The following MECOM variants were observed in gnomAD, a reference collection of about 807,000 sequenced individuals.
The protein encoded by MECOM is MDS1 and EVI1 complex locus, also known as histone-lysine N-methyltransferase MECOM.
MECOM carries 13 observed loss-of-function variants against 116.3 expected under a neutral mutation model. The observed-to-expected ratio is 0.11, with a 90% CI of 0.07 to 0.18. The LOEUF is 0.18. Ranked by LOEUF, MECOM falls within the 10% of genes least tolerant of loss-of-function variation. MECOM has a pLI of 1.00. For missense variants in MECOM, 1,299 were observed against 1,509.0 expected, an observed-to-expected ratio of 0.86 and a Z score of 2.31; for synonymous variants, 528 against 535.2, an observed-to-expected ratio of 0.99 and a Z score of 0.19.
Position 169,472,582 on chromosome 3 carries a change from G to A in MECOM, c.38-91058C>T, listed in dbSNP as rs1252164285. ...AGAGAGGAGAGGAGAGGAGAGGAGA[G>A]GAAAGGAAAGGAAAGGAAAGGAAAG... is the stretch of plus-strand genomic sequence containing the variant. On this transcript the variant is annotated intron_variant, in intron 1 of 16. Coordinates refer to ENST00000651503, the MANE Select transcript of MECOM (RefSeq NM_004991.4). Among the ~76,000 whole-genome samples, 323 of 47,946 alleles carry A rather than the reference G, an allele frequency of 6.7e-3. 1 individual carries two copies. Among genetic ancestry groups the A allele is most frequent in the Middle Eastern group, 0.028 (2 of 72 alleles). The allele number at this position is 47,946 out of a possible 152,430, so 31.5% of individuals were successfully genotyped here.
chr3:169,464,497 C>G (rs767018861), intron 1 of MECOM, among the ~76,000 whole-genome samples: 1 of 151,470 alleles, frequency 6.6e-6, no homozygotes, highest in Non-Finnish European at 1.5e-5. Flanking sequence ...CACCACGGAC[C>G]CTCATTCATT....
rs1444349696 is a variant in MECOM, at chr3:169,143,846, G to C, written c.376-14C>G. On this transcript the variant is annotated splice_polypyrimidine_tract_variant and intron_variant, in intron 2 of 16. Transcript: ENST00000651503. ...TTCGTCTAAGATCTGGAGGGAAGAAGATGAGAACAATCAATTGCCATATTG... is the reference window on the plus strand; with the variant it reads ...TTCGTCTAAGATCTGGAGGGAAGAACATGAGAACAATCAATTGCCATATTG... The C allele has an allele frequency of 6.3e-7, 1 of 1,585,576 alleles. No individual in the cohort carries two copies. The highest frequency in any genetic ancestry group is 8.6e-7 in the Non-Finnish European group (1 of 1,165,910).
chr3:169,313,412 A>C lies in MECOM; in HGVS notation c.375+67775T>G, dbSNP rs550018194. Among the ~76,000 whole-genome samples the C allele has an allele frequency of 1.2e-4, 19 of 152,360 alleles. 1 individual carries two copies. The South Asian group carries it at 3.7e-3, about 30-fold the overall frequency. The stretch of plus-strand genomic sequence containing the variant: ...GGAAGATAGCACAGTGTGTTCATAC[A>C]CTAATGGAAATATCTAGCGGGAGAG... On this transcript the variant is annotated intron_variant, in intron 2 of 16. Coordinates refer to ENST00000651503, the MANE Select transcript of MECOM (RefSeq NM_004991.4).
At chr3:169,307,639 C>A (rs1373222432) in intron 2 of MECOM, among the ~76,000 whole-genome samples, 1 of 152,124 alleles carries the variant, frequency 6.6e-6, no homozygotes, top group African/African-American at 2.4e-5. Flanking sequence ...GTGTAAATGG[C>A]CTCCTGTTAA....
At chr3:169,140,811 A>ATT (rs201998979) in intron 3 of MECOM, among the ~76,000 whole-genome samples, 1 of 59,788 alleles carries the variant, frequency 1.7e-5, no homozygotes, top group African/African-American at 4.8e-5. Context: ...GGTTGCTTTC[A>ATT]TTTTTATTTT....
chr3:169,142,170 A>C (rs1250400806), intron 3 of MECOM, among the ~76,000 whole-genome samples: 1 of 151,944 alleles, frequency 6.6e-6, no homozygotes. Flanking sequence ...TACACACATA[A>C]ATATTAAATG....
chr3:169,224,120 G>A (rs1211508920), intron 2 of MECOM, among the ~76,000 whole-genome samples: 2 of 152,146 alleles, frequency 1.3e-5, no homozygotes, highest in South Asian at 4.1e-4. Flanking sequence ...ATACTAAGGA[G>A]TATGATGGGG....
At chr3:169,418,697 C>A (rs1739164816) in intron 1 of MECOM, among the ~76,000 whole-genome samples, 1 of 151,946 alleles carries the variant, frequency 6.6e-6, no homozygotes, top group Non-Finnish European at 1.5e-5. Flanking sequence ...AATTCAACAC[C>A]CCTTCACGAT....
rs1560340618 is a variant in MECOM at position 169,485,963 on chromosome 3, A to AGT, written c.38-104440_38-104439insAC. The stretch of plus-strand genomic sequence containing the variant: ...TATGTATGTATATATGTACATATAT[A>AGT]CTATATATACATATATATATAGTAT... On this transcript the variant is annotated intron_variant, in intron 1 of 16. Coordinates refer to ENST00000651503, the MANE Select transcript of MECOM (RefSeq NM_004991.4). Among the ~76,000 whole-genome samples the AGT allele has an allele frequency of 2.0e-3, 146 of 72,376 alleles. 3 individuals carry two copies. The highest frequency in any genetic ancestry group is 5.6e-3 in the Middle Eastern group (1 of 180). 47.5% of individuals were successfully genotyped at this position (72,376 alleles called of 152,430 possible). A position where few individuals can be genotyped will look rare whatever the true frequency, so the allele number is the denominator to read the frequency against.
chr3:169,224,503 A>C (rs1458046263), intron 2 of MECOM, among the ~76,000 whole-genome samples: 1 of 152,338 alleles, frequency 6.6e-6, no homozygotes, highest in South Asian at 2.1e-4. Context: ...TGTCACCCAC[A>C]TATAGAAAAG....
At chr3:169,463,774 C>A (rs1258323915) in intron 1 of MECOM, among the ~76,000 whole-genome samples, 1 of 152,002 alleles carries the variant, frequency 6.6e-6, no homozygotes, top group East Asian at 1.9e-4. Context: ...TGGGAGAGTG[C>A]AATAAGATGG....
intron 14 of MECOM, among the ~76,000 whole-genome samples, chr3:169,090,710 G>C (rs1719436578): frequency 6.6e-6 from 1 of 151,704 alleles, no homozygotes; most frequent in Non-Finnish European, 1.5e-5. Flanking sequence ...TGTTAAAGTA[G>C]TTACCAAGAA....
chr3:169,108,104 T>A, intron 9 of MECOM, 152 bp from the exon 10 acceptor site: 1 of 553,150 alleles, frequency 1.8e-6, no homozygotes, highest in Non-Finnish European at 3.2e-6. Flanking sequence ...GAAATAAAAA[T>A]TAAATATTGT....
At chr3:169,217,371 T>C (rs1751541882) in intron 2 of MECOM, among the ~76,000 whole-genome samples, 1 of 152,148 alleles carries the variant, frequency 6.6e-6, no homozygotes, top group Non-Finnish European at 1.5e-5. Flanking sequence ...ACTAGAACAT[T>C]GTACTTAAAG....
rs969505122 is a variant in MECOM at position 169,089,336 on chromosome 3, C to G, written c.3402-153G>C. Among the ~76,000 whole-genome samples, 4 of 152,168 alleles carry G rather than the reference C, an allele frequency of 2.6e-5. No homozygotes were observed. In the East Asian group the frequency reaches 7.7e-4, roughly 29 times the overall value. On this transcript the variant is annotated intron_variant, in intron 15 of 16. Transcript: ENST00000651503. ...ATCAATTATTGGGTTTTTATAAATA[C>G]TTACAAACATCATGTCTTAAAAATA... is the stretch of plus-strand genomic sequence containing the variant.
intron 2 of MECOM, among the ~76,000 whole-genome samples, chr3:169,224,073 C>CG (rs1752439388): frequency 3.3e-5 from 5 of 152,212 alleles, no homozygotes; most frequent in Admixed American, 2.6e-4. Context: ...GCCCCACTGA[C>CG]GGGGGTGCCT....
intron 1 of MECOM, among the ~76,000 whole-genome samples, chr3:169,629,836 G>A (rs1771858742): frequency 6.6e-6 from 1 of 152,218 alleles, no homozygotes; most frequent in Non-Finnish European, 1.5e-5. Flanking sequence ...TGCCCAGAGT[G>A]GAGTTAACGG....
intron 1 of MECOM, among the ~76,000 whole-genome samples, chr3:169,392,647 A>C (rs1307715959): frequency 3.3e-5 from 5 of 152,156 alleles, no homozygotes; most frequent in African/African-American, 1.2e-4. Context: ...GTGACAATGA[A>C]ATAAAATAAG....
chr3:169,425,089 A>G (rs1740414528), intron 1 of MECOM, among the ~76,000 whole-genome samples: 1 of 120,886 alleles, frequency 8.3e-6, no homozygotes, highest in Admixed American at 9.3e-5. Flanking sequence ...TTTAGTGTTC[A>G]TTTGCAGAAA....
Sources: gnomAD v4.1 joint callset for allele counts (sites outside exome capture counted in the v4.1 genomes callset) on GRCh38, gnomAD v4.1.1 for gene constraint, MANE v1.5 for transcripts, NCBI Gene and HGNC (gene_info 2026-07-23, HGNC 2026-07-21) for gene names.